Variants in RARS2 observed in about 807,000 individuals in gnomAD.
RARS2 encodes the protein arginyl-tRNA synthetase 2, mitochondrial.
Under a neutral mutation model 88.5 loss-of-function variants are expected in RARS2, and 67 were observed. That is an observed-to-expected ratio of 0.76 (90% CI 0.62 to 0.93). The LOEUF (loss-of-function observed/expected upper bound fraction) is 0.93, where lower values mean the gene tolerates loss of function less well. Among genes scored for constraint, RARS2 ranks in the 40% least tolerant of loss-of-function variants. The pLI is 0.00. For missense variants in RARS2, 664 were observed against 684.2 expected, an observed-to-expected ratio of 0.97 and a Z score of 0.33; for synonymous variants, 239 against 230.3, an observed-to-expected ratio of 1.04 and a Z score of -0.34.
intron 1 of RARS2, among the ~76,000 whole-genome samples, chr6:87,588,965 G>C (rs1228554809): frequency 6.6e-6 from 1 of 152,058 alleles, no homozygotes; most frequent in African/African-American, 2.4e-5. Flanking sequence ...ATGTCATGTT[G>C]GTGATATTTG....
chr6:87,563,643 C>T (rs1337204653), intron 3 of RARS2, among the ~76,000 whole-genome samples: 3 of 152,152 alleles, frequency 2.0e-5, no homozygotes, highest in African/African-American at 7.2e-5. Context: ...CTTTCAATTC[C>T]TCTGTTAGAT....
At chr6:87,517,486 G>C (rs748478467) in intron 17 of RARS2, among the ~76,000 whole-genome samples, 1 of 152,108 alleles carries the variant, frequency 6.6e-6, no homozygotes, top group Non-Finnish European at 1.5e-5. Flanking sequence ...ATATAAATTA[G>C]CAAAGTCTAC....
intron 7 of RARS2, among the ~76,000 whole-genome samples, chr6:87,543,389 C>T (rs753253481): frequency 2.6e-5 from 4 of 151,922 alleles, no homozygotes; most frequent in Admixed American, 6.6e-5. Context: ...CTCCTGTAAT[C>T]CCAGCACTTT....
Position 87,518,847 on chromosome 6 carries a change from C to T in RARS2, c.1282G>A (p.Gly428Arg), listed in dbSNP as rs764875815. The T allele has an allele frequency of 4.3e-6, 7 of 1,613,872 alleles. No homozygotes were observed. Among genetic ancestry groups the T allele is most frequent in the African/African-American group, 2.7e-5 (2 of 74,872 alleles). ...KNPQETAERV[G>R]LAALIIQDFK... Reference sequence around the variant, plus strand: ...ACCTGAATAATGAGTGCTGCGAGCCCGACCCTCTCTGCAGTCTCTTGTGGG... The same window carrying T: ...ACCTGAATAATGAGTGCTGCGAGCCTGACCCTCTCTGCAGTCTCTTGTGGG... Residue 428 changes from glycine to arginine, a missense_variant, in exon 15 of 20, where the codon GGG (glycine) becomes AGG (arginine). By Grantham distance (125) the Gly-to-Arg change is moderately radical. Transcript: ENST00000369536.
chr6:87,538,016 C>G (rs1407913843), intron 8 of RARS2, among the ~76,000 whole-genome samples: 1 of 152,194 alleles, frequency 6.6e-6, no homozygotes, highest in Non-Finnish European at 1.5e-5. Context: ...ATAACATCAA[C>G]ATTTGCTTAA....
intron 1 of RARS2, chr6:87,589,596 A>G: frequency 3.4e-6 from 3 of 888,552 alleles, no homozygotes; most frequent in Non-Finnish European, 4.0e-6. Context: ...AAGTGTAAAG[A>G]ACACTAACTT....
At chr6:87,520,141 TG>T in intron 13 of RARS2, 38 bp downstream of exon 13, 1 of 1,540,194 alleles carries the variant, frequency 6.5e-7, no homozygotes, top group Middle Eastern at 1.7e-4. Flanking sequence ...CAGGCTCAGC[TG>T]ACCCTGCACA....
rs1562063922 is a variant in RARS2, at chr6:87,520,353, CAGACT to C, written c.1036-102_1036-98del. The C allele has an allele frequency of 6.1e-6, 6 of 982,870 alleles. No homozygotes were observed. In the South Asian group the frequency reaches 6.7e-5, roughly 11 times the overall value. 60.9% of individuals were successfully genotyped at this position (982,870 alleles called of 1,614,324 possible). On this transcript the variant is annotated intron_variant, in intron 12 of 19. Coordinates refer to ENST00000369536, the MANE Select transcript of RARS2 (RefSeq NM_020320.5). ...TCAAATTAAGATATTTGAGGTCTGA[CAGACT>C]AAAGTCGTCAATTGATATGTTTTAA...
Position 87,524,618 on chromosome 6 carries a change from C to A in RARS2, c.913G>T (p.Gly305Cys), listed in dbSNP as rs756609142. 5 of 1,613,312 alleles carry A rather than the reference C, an allele frequency of 3.1e-6. No individual in the cohort carries two copies. The Admixed American group carries it at 8.3e-5, about 27-fold the overall frequency. ...ACAGTACAAATTGAGGAGGGGTCGC[C>A]ATTCCCAGAGAGATCTACTACAGCC... Reference protein sequence around the residue: ...GTAVVDLSGNGDPSSICTVMR... With the variant: ...GTAVVDLSGNCDPSSICTVMR... Residue 305 changes from glycine (G) to cysteine (C), a missense_variant, in exon 11 of 20, where the codon GGC (glycine) becomes TGC (cysteine). Transcript: ENST00000369536.
chr6:87,526,378 G>A (rs969743664), intron 10 of RARS2, among the ~76,000 whole-genome samples: 4 of 152,008 alleles, frequency 2.6e-5, no homozygotes, highest in Non-Finnish European at 5.9e-5. Flanking sequence ...TTAGCTGGGT[G>A]TGGTGGCACA....
chr6:87,515,817 G>T (rs1771492548), intron 18 of RARS2: 1 of 151,968 alleles, frequency 6.6e-6, no homozygotes, highest in African/African-American at 2.4e-5. Flanking sequence ...TATTAGCTGG[G>T]CATGATGGCA....
chr6:87,520,346 G>C, intron 12 of RARS2, 90 bp from the exon 13 acceptor site: 1 of 1,053,144 alleles, frequency 9.5e-7, no homozygotes, highest in Non-Finnish European at 1.4e-6. Context: ...AGATATTTGA[G>C]GTCTGACAGA....
intron 2 of RARS2, 188 bp from the exon 3 acceptor site, chr6:87,564,420 G>A: frequency 1.7e-6 from 1 of 583,836 alleles, no homozygotes. Flanking sequence ...AGCACTTTGG[G>A]AGGCTAAGGC....
intron 1 of RARS2, among the ~76,000 whole-genome samples, chr6:87,585,649 G>A (rs762651222): frequency 5.9e-5 from 9 of 152,024 alleles, no homozygotes; most frequent in African/African-American, 1.2e-4. Flanking sequence ...GGAGAATGGC[G>A]TGAACCCAGG....
Position 87,518,211 on chromosome 6 carries a change from A to C in RARS2, c.1469T>G (p.Leu490Ter), listed in dbSNP as rs1179358687. The C allele has an allele frequency of 2.5e-6, 4 of 1,614,088 alleles. No individual in the cohort carries two copies. The highest frequency in any genetic ancestry group is 3.4e-6 in the Non-Finnish European group (4 of 1,180,034). The change falls in exon 17 of 20, where the codon TTA (leucine) becomes TGA (stop). Residue 490 changes from leucine to a stop codon, truncating the protein, a stop_gained. Coordinates refer to ENST00000369536, the MANE Select transcript of RARS2 (RefSeq NM_020320.5). LOFTEE classifies it high-confidence loss of function. ...AATTGAAACAGACTGTGGCTCTTGTAAACAAGCAGTGTTGAAGTCATTCAG... is the reference window on the plus strand; with the variant it reads ...AATTGAAACAGACTGTGGCTCTTGTCAACAAGCAGTGTTGAAGTCATTCAG... ...GYLNDFNTAC[L>*]QEPQSVSILQ... is the part of the protein sequence containing the mutation.
At chr6:87,560,456 A>G (rs1260801347) in intron 4 of RARS2, among the ~76,000 whole-genome samples, 1 of 152,230 alleles carries the variant, frequency 6.6e-6, no homozygotes, top group East Asian at 1.9e-4. Flanking sequence ...AAGTACTGCA[A>G]GCTACTGACA....
intron 2 of RARS2, chr6:87,564,772 A>G (rs1288855657): frequency 5.3e-6 from 1 of 187,608 alleles, no homozygotes; most frequent in African/African-American, 2.4e-5. Flanking sequence ...TTATCATCTT[A>G]TAAAATTCTT....
At chr6:87,563,193 G>T (rs1416778265) in intron 3 of RARS2, among the ~76,000 whole-genome samples, 1 of 152,186 alleles carries the variant, frequency 6.6e-6, no homozygotes, top group Non-Finnish European at 1.5e-5. Context: ...CAACAGATAA[G>T]ATGTAATTTA....
chr6:87,556,790 C>CAAA (rs71018038), intron 4 of RARS2, among the ~76,000 whole-genome samples: 1,944 of 76,578 alleles, frequency 0.025, 105 homozygotes, highest in African/African-American at 0.09. Flanking sequence ...GACTCTGTCT[C>CAAA]AAAAAAAAAA....
Sources: allele counts gnomAD v4.1 joint callset (sites outside exome capture counted in the v4.1 genomes callset), GRCh38; gene constraint gnomAD v4.1.1; transcripts MANE v1.5; gene names NCBI Gene and HGNC (gene_info 2026-07-23, HGNC 2026-07-21).